Variants in ATP2C1 observed in about 807,000 individuals in gnomAD.
ATP2C1 encodes ATPase secretory pathway Ca2+ transporting 1, also known as calcium-transporting ATPase type 2C member 1.
In ATP2C1, 31 loss-of-function variants were observed where a neutral mutation model predicts 120.5. The ratio of observed to expected loss-of-function variants is 0.26; its 90% confidence interval spans 0.19 to 0.35. The LOEUF is 0.35. ATP2C1 is among the 10% of genes least tolerant of loss of function. The probability of loss-of-function intolerance (pLI) is 1.00; values close to 1 mark genes in which losing one functional copy is unlikely to be tolerated. For synonymous variants in ATP2C1, 351 were observed against 358.7 expected, an observed-to-expected ratio of 0.98 and a Z score of 0.24; for missense variants, 731 against 1,107.5, an observed-to-expected ratio of 0.66 and a Z score of 4.83.
At chr3:130,938,274 G>A (rs567732749) in intron 6 of ATP2C1, among the ~76,000 whole-genome samples, 2 of 152,288 alleles carry the variant, frequency 1.3e-5, no homozygotes, top group South Asian at 4.1e-4. Flanking sequence ...GTAGATTTTA[G>A]AACAGTGTTT....
intron 16 of ATP2C1, among the ~76,000 whole-genome samples, chr3:130,968,460 G>T (rs2061150844): frequency 6.6e-6 from 1 of 152,154 alleles, no homozygotes; most frequent in Non-Finnish European, 1.5e-5. Flanking sequence ...CAAATTCAGA[G>T]CTGGGATATG....
chr3:130,926,771 C>T lies in ATP2C1; in HGVS notation c.7-3645C>T, dbSNP rs2059226811. ...CTTCCAACTCCATGTGTATTTTATGCATGTGATCTTTATATGTGTTCTTTC... is the reference window on the plus strand; with the variant it reads ...CTTCCAACTCCATGTGTATTTTATGTATGTGATCTTTATATGTGTTCTTTC... On this transcript the variant is annotated intron_variant, in intron 2 of 27. Transcript: ENST00000510168. Among the ~76,000 whole-genome samples the T allele has an allele frequency of 2.6e-5, 4 of 152,366 alleles. No individual in the cohort carries two copies. In the South Asian group the frequency reaches 8.3e-4, roughly 32 times the overall value.
chr3:130,914,946 C>T (rs530168841), intron 2 of ATP2C1, among the ~76,000 whole-genome samples: 1 of 152,276 alleles, frequency 6.6e-6, no homozygotes, highest in South Asian at 2.1e-4. Flanking sequence ...AGAGCATTAG[C>T]ACCTACGGGA....
At chr3:130,983,107 T>TAG (rs796127327) in intron 20 of ATP2C1, among the ~76,000 whole-genome samples, 12 of 151,886 alleles carry the variant, frequency 7.9e-5, no homozygotes, top group African/African-American at 2.4e-4. Context: ...TATATATATA[T>TAG]AGAGAGAGAG....
In ATP2C1 at chr3:130,934,721, A is replaced by G. The variant is rs2059592700; in HGVS notation, c.324+10A>G. 6.4e-7 allele frequency: 1 copy of G among 1,565,534 alleles called. No individual in the cohort carries two copies. The highest frequency in any genetic ancestry group is 8.8e-7 in the Non-Finnish European group (1 of 1,136,218). On this transcript the variant is annotated intron_variant, in intron 5 of 27. Transcript: ENST00000510168. ...CGTCAGTATCACTGTGGTAAGAAAA[A>G]AATTACATATTTTTAATCTGTTGAG...
rs897995359 is a variant in ATP2C1, at chr3:131,001,803, C to T, written c.*453C>T. 3.6e-5 allele frequency: 35 copies of T among 985,408 alleles called. No homozygotes were observed. Among genetic ancestry groups the T allele is most frequent in the South Asian group, 9.4e-5 (2 of 21,274 alleles). 61.0% of individuals were successfully genotyped at this position (985,408 alleles called of 1,614,324 possible). ...TTCTATTTGGTTTAGAAGTTGATTC[C>T]CAGGAGTGCCATATTTCAGCTACTG... On this transcript the variant is annotated 3_prime_UTR_variant, in exon 28 of 28. Transcript: ENST00000510168.
chr3:130,909,914 C>T, intron 2 of ATP2C1, among the ~76,000 whole-genome samples: 1 of 151,756 alleles, frequency 6.6e-6, no homozygotes. Context: ...CTATGTTGCC[C>T]AGGTTGGTCT....
intron 20 of ATP2C1, among the ~76,000 whole-genome samples, chr3:130,982,803 C>T (rs1437227222): frequency 6.6e-6 from 1 of 151,998 alleles, no homozygotes; most frequent in Non-Finnish European, 1.5e-5. Context: ...ATATGTTCAA[C>T]ATAGAAAAAT....
At position 131,016,471 on chromosome 3, in the gene ATP2C1, G is replaced by A. The variant is rs2063639057; in HGVS notation, c.*282G>A. ...AAAACTAAGATGTTTTTCTCTTCTG[G>A]CTTCATAAATGCCTTGCTGTATAAA... On this transcript the variant is annotated 3_prime_UTR_variant, in exon 27 of 27. Transcript: ENST00000328560. 5.9e-6 allele frequency: 6 copies of A among 1,017,650 alleles called. No individual in the cohort carries two copies. The Admixed American group carries it at 1.4e-4, about 24-fold the overall frequency. The allele number at this position is 1,017,650 out of a possible 1,614,324, so 63.0% of individuals were successfully genotyped here.
chr3:130,983,358 A>G (rs1182623717), intron 20 of ATP2C1, among the ~76,000 whole-genome samples: 1 of 152,222 alleles, frequency 6.6e-6, no homozygotes, highest in African/African-American at 2.4e-5. Context: ...AATTGAGCAG[A>G]TAACACAGAG....
chr3:130,908,438 A>G lies in ATP2C1; in HGVS notation c.6+13663A>G, dbSNP rs908153909. ...GGAGTCCAAGATGTATTGAATGACA[A>G]AATTTGTTATTGTGTGGTTCTATTA... On this transcript the variant is annotated intron_variant, in intron 2 of 27. Coordinates refer to ENST00000510168, the MANE Select transcript of ATP2C1 (RefSeq NM_001378687.1). Among the ~76,000 whole-genome samples, 3 of 151,760 alleles carry G rather than the reference A, an allele frequency of 2.0e-5. No homozygotes were observed. The South Asian group carries it at 6.2e-4, about 32-fold the overall frequency.
chr3:130,928,580 A>G (rs907658200), intron 2 of ATP2C1, among the ~76,000 whole-genome samples: 1 of 152,228 alleles, frequency 6.6e-6, no homozygotes, highest in Non-Finnish European at 1.5e-5. Flanking sequence ...GGAAATTATC[A>G]TGAACTGACT....
intron 1 of ATP2C1, among the ~76,000 whole-genome samples, chr3:130,866,695 T>G (rs1448788857): frequency 2.0e-5 from 3 of 152,248 alleles, no homozygotes; most frequent in African/African-American, 7.2e-5. Flanking sequence ...TAATACTCTT[T>G]CCTCTCATAT....
Position 130,964,147 on chromosome 3 carries a change from A to T in ATP2C1, c.1024+52A>T. On this transcript the variant is annotated intron_variant, in intron 13 of 27. Coordinates refer to ENST00000510168, the MANE Select transcript of ATP2C1 (RefSeq NM_001378687.1). ...TGCAATGATGCGTAAGTTTATGTCA[A>T]TAGTGAATCATCTCAGAGTTTTACA... is the stretch of plus-strand genomic sequence containing the variant. 2 of 1,602,504 alleles carry T rather than the reference A, an allele frequency of 1.2e-6. 1 individual carries two copies. Among genetic ancestry groups the T allele is most frequent in the Middle Eastern group, 3.3e-4 (2 of 6,024 alleles).
rs189943353 is a variant in ATP2C1, at chr3:131,013,499, T to C, written c.2630-2653T>C. On this transcript the variant is annotated intron_variant, in intron 26 of 26. Coordinates refer to the ATP2C1 transcript ENST00000328560. ...TAACAGCTCAGGATGCTGTTTCTTA[T>C]TTGGCTGAAGCCATTAGTTTCAACT... Among the ~76,000 whole-genome samples the C allele has an allele frequency of 5.3e-4, 80 of 152,336 alleles. 1 individual carries two copies. In the East Asian group the frequency reaches 0.01, roughly 19 times the overall value.
At chr3:130,943,329 C>G (rs896773953) in intron 8 of ATP2C1, among the ~76,000 whole-genome samples, 2 of 152,136 alleles carry the variant, frequency 1.3e-5, no homozygotes, top group East Asian at 3.9e-4. Context: ...AATTCTCCTG[C>G]CTCAGGCTCC....
chr3:130,875,059 T>A (rs1057052420), intron 1 of ATP2C1, among the ~76,000 whole-genome samples: 1 of 152,370 alleles, frequency 6.6e-6, no homozygotes, highest in African/African-American at 2.4e-5. Context: ...ATCTGTACTA[T>A]GTGTAATCAT....
rs140482548 is a variant in ATP2C1, at chr3:131,014,346, A to G, written c.2630-1806A>G. 67 of 1,611,452 alleles carry G rather than the reference A, an allele frequency of 4.2e-5. No individual in the cohort carries two copies. Among genetic ancestry groups the G allele is most frequent in the Non-Finnish European group, 5.5e-5 (65 of 1,179,192 alleles). ...ACTTTCTACAGAGGTCGATGCTAGC[A>G]GTTGCTGGCATAGTCCGTGCACCAG... On this transcript the variant is annotated intron_variant, in intron 26 of 26. Transcript: ENST00000328560.
At chr3:130,973,892 ACACCCT>A (rs2061434775) in intron 17 of ATP2C1, among the ~76,000 whole-genome samples, 1 of 151,956 alleles carries the variant, frequency 6.6e-6, no homozygotes, top group South Asian at 2.1e-4. Flanking sequence ...CCCACACCAC[ACACCCT>A]TTCTTAGATA....
Sources: gnomAD v4.1 joint callset for allele counts (sites outside exome capture counted in the v4.1 genomes callset) on GRCh38, gnomAD v4.1.1 for gene constraint, MANE v1.5 for transcripts, NCBI Gene and HGNC (gene_info 2026-07-23, HGNC 2026-07-21) for gene names.